The following NCLN variants were observed in gnomAD, a reference collection of about 807,000 sequenced individuals.
The protein encoded by NCLN is BOS complex subunit NCLN.
In NCLN, 34 loss-of-function variants were observed where a neutral mutation model predicts 69.5. The observed-to-expected ratio is 0.49, with a 90% CI of 0.37 to 0.65. NCLN has a LOEUF of 0.65. NCLN is among the 30% of genes least tolerant of loss of function. The pLI, the probability that NCLN is intolerant of heterozygous loss-of-function variation, is 0.00. For synonymous variants in NCLN, 393 were observed against 358.3 expected (o/e 1.10, Z -1.09); for missense variants, 710 against 804.8 (o/e 0.88, Z 1.42).
In NCLN at chr19:3,207,517, G is replaced by T. The variant is rs777378959; in HGVS notation, c.1632+48G>T. On this transcript the variant is annotated intron_variant, in intron 14 of 14. Coordinates refer to ENST00000246117, the MANE Select transcript of NCLN (RefSeq NM_020170.4). ...TGGGGCAGGGGCCGCCCGCCGGGAG[G>T]AGCTGGGCTGGGCGTCTCCAAGTGC... 8.1e-6 allele frequency: 13 copies of T among 1,609,216 alleles called. No individual in the cohort carries two copies. In the East Asian group the frequency reaches 1.8e-4, roughly 22 times the overall value.
At chr19:3,191,833 C>T (rs1915834607) in intron 1 of NCLN, among the ~76,000 whole-genome samples, 1 of 152,156 alleles carries the variant, frequency 6.6e-6, no homozygotes, top group Admixed American at 6.5e-5. Flanking sequence ...GTCTAGGATC[C>T]TGTGTAGACT....
chr19:3,198,965 G>A, intron 5 of NCLN, 68 bp downstream of exon 5: 2 of 1,186,200 alleles, frequency 1.7e-6, no homozygotes, highest in Non-Finnish European at 2.2e-6. Flanking sequence ...CCAGTGCCGA[G>A]GCAAAGCGCC....
rs1310387681 is a variant in NCLN, at chr19:3,204,642, G to GTGCT, written c.1100_1103dup (p.Trp370GlyfsTer25). 6.2e-7 allele frequency: 1 copy of GTGCT among 1,608,850 alleles called. No individual in the cohort carries two copies. Among genetic ancestry groups the GTGCT allele is most frequent in the Non-Finnish European group, 8.5e-7 (1 of 1,177,922 alleles). On this transcript the variant is annotated frameshift_variant, in exon 9 of 15. Transcript: ENST00000246117. LOFTEE classifies it high-confidence loss of function. ...CAAGCGGATCAACCTGGCGGAGGAC[G>GTGCT]TGCTGGCCTGGGAGCACGAGCGCTT...
chr19:3,207,404 G>C lies in NCLN; in HGVS notation c.1567G>C (p.Val523Leu). 1 of 1,613,132 alleles carries C rather than the reference G, an allele frequency of 6.2e-7. No individual in the cohort carries two copies. The highest frequency in any genetic ancestry group is 1.1e-5 in the South Asian group (1 of 91,090). ...VMNAYRVKPA[V>L]FDLLLAVGIA... ...CTTTCTCCACAGAGTCAAGCCGGCC[G>C]TCTTTGACCTGCTCCTGGCTGTTGG... Residue 523 changes from valine to leucine, a missense_variant, in exon 14 of 15, where the codon GTC becomes CTC. Val to Leu is a conservative substitution (Grantham distance 32). Coordinates refer to ENST00000246117, the MANE Select transcript of NCLN (RefSeq NM_020170.4).
chr19:3,196,656 A>G (rs1053768355), intron 4 of NCLN, among the ~76,000 whole-genome samples: 2 of 152,198 alleles, frequency 1.3e-5, no homozygotes, highest in Non-Finnish European at 2.9e-5. Flanking sequence ...CTCACCCGTC[A>G]GCCCAGACGC....
At chr19:3,188,934 C>G (rs1009387911) in intron 1 of NCLN, among the ~76,000 whole-genome samples, 2 of 152,224 alleles carry the variant, frequency 1.3e-5, no homozygotes, top group African/African-American at 4.8e-5. Flanking sequence ...AGGACAGGCC[C>G]TTGAGAAGCC....
rs948458171 is a variant in NCLN at position 3,204,479 on chromosome 19, C to T, written c.1030-94C>T. ...TGGATTTCTCCTCATTTTGCACCCT[C>T]GGGGGTTCTGGGAGGCCCCTGGAGC... On this transcript the variant is annotated intron_variant, in intron 8 of 14. Coordinates refer to ENST00000246117, the MANE Select transcript of NCLN (RefSeq NM_020170.4). 2.2e-5 allele frequency: 29 copies of T among 1,344,018 alleles called. No individual in the cohort carries two copies. The East Asian group carries it at 3.1e-4, about 14-fold the overall frequency. The allele number at this position is 1,344,018 out of a possible 1,614,324, so 83.3% of individuals were successfully genotyped here.
At chr19:3,207,578 C>T (rs764462494) in intron 14 of NCLN, 51 bp from the exon 15 acceptor site, 1 of 1,609,954 alleles carries the variant, frequency 6.2e-7, no homozygotes, top group Non-Finnish European at 8.5e-7. Context: ...GTCACATGAC[C>T]TGGGGCTCTG....
Position 3,195,743 on chromosome 19 carries a change from T to A in NCLN, c.521-440T>A, listed in dbSNP as rs1324402697. On this transcript the variant is annotated intron_variant, in intron 3 of 14. Transcript: ENST00000246117. ...GAGGTAGAGGCTGCAGTGAGCCATG[T>A]TTGCGTCACTGTACTCCAGCCTGGG... Among the ~76,000 whole-genome samples the A allele has an allele frequency of 2.6e-5, 4 of 152,030 alleles. No homozygotes were observed. The East Asian group carries it at 7.7e-4, about 29-fold the overall frequency.
chr19:3,203,808 A>G lies in NCLN; in HGVS notation c.853A>G (p.Thr285Ala). Residue 285 changes from threonine to alanine, a missense_variant, in exon 7 of 15, where the codon ACC becomes GCC. Thr to Ala is a moderately conservative substitution (Grantham distance 58, BLOSUM62 0). Transcript: ENST00000246117. Reference sequence around the variant, plus strand: ...AGGAGGCAAGTTTAACTACCAGGGAACCAAGCGCTGGCTGGAAGACAACCT... The same window carrying G: ...AGGAGGCAAGTTTAACTACCAGGGAGCCAAGCGCTGGCTGGAAGACAACCT... ...SGGGKFNYQG[T>A]KRWLEDNLDH... 1 of 1,613,292 alleles carries G rather than the reference A, an allele frequency of 6.2e-7. No homozygotes were observed. Among genetic ancestry groups the G allele is most frequent in the Non-Finnish European group, 8.5e-7 (1 of 1,179,876 alleles).
chr19:3,206,694 G>T (rs1916281514), intron 12 of NCLN, among the ~76,000 whole-genome samples: 1 of 152,214 alleles, frequency 6.6e-6, no homozygotes, highest in Non-Finnish European at 1.5e-5. Context: ...AAATTAGGCG[G>T]ATGTGGCAGT....
chr19:3,197,397 G>C (rs1915992521), intron 4 of NCLN, among the ~76,000 whole-genome samples: 7 of 152,222 alleles, frequency 4.6e-5, no homozygotes, highest in Admixed American at 3.9e-4. Flanking sequence ...GAGTCCCCAG[G>C]CCACAGCCGG....
At position 3,201,379 on chromosome 19, in the gene NCLN, C is replaced by T. The variant is rs528549245; in HGVS notation, c.697-144C>T. The T allele has an allele frequency of 9.0e-5, 56 of 623,996 alleles. No homozygotes were observed. In the East Asian group the frequency reaches 1.1e-3, roughly 12 times the overall value. The allele number at this position is 623,996 out of a possible 1,614,324, so 38.7% of individuals were successfully genotyped here. A position where few individuals can be genotyped will look rare whatever the true frequency, so the allele number is the denominator to read the frequency against. On this transcript the variant is annotated intron_variant, in intron 5 of 14. Transcript: ENST00000246117. ...GGCTGGGGGACAGCACAGAGATGAC[C>T]GTGGCTGCTGTGGGCAGAGGTCATG...
intron 1 of NCLN, among the ~76,000 whole-genome samples, chr19:3,187,082 C>G (rs1432945752): frequency 6.6e-6 from 1 of 152,174 alleles, no homozygotes; most frequent in Non-Finnish European, 1.5e-5. Context: ...ACGCCCTCAG[C>G]TCAGCCTCCT....
intron 1 of NCLN, among the ~76,000 whole-genome samples, chr19:3,187,483 G>C (rs1259671828): frequency 6.6e-6 from 1 of 152,198 alleles, no homozygotes; most frequent in Non-Finnish European, 1.5e-5. Context: ...GGGACCCCCA[G>C]CTTCTGCCAG....
rs1181624121 is a variant in NCLN, at chr19:3,198,488, C to G, written c.616-329C>G. On this transcript the variant is annotated intron_variant, in intron 4 of 14. Transcript: ENST00000246117. Reference sequence around the variant, plus strand: ...TACCACTGCACTCCAGCCTGGGCGACAGAGTGAGATTCCGTCTCAAAAAAA... The same window carrying G: ...TACCACTGCACTCCAGCCTGGGCGAGAGAGTGAGATTCCGTCTCAAAAAAA... 2.2e-5 allele frequency among the ~76,000 whole-genome samples: 3 copies of G among 133,748 alleles called. No individual in the cohort carries two copies. In the Admixed American group the frequency reaches 2.5e-4, roughly 11 times the overall value. 87.7% of individuals were successfully genotyped at this position (133,748 alleles called of 152,430 possible).
At chr19:3,201,652 T>TGGGGGTTG in intron 6 of NCLN, 26 bp downstream of exon 6, 4 of 772,842 alleles carry the variant, frequency 5.2e-6, no homozygotes, top group Non-Finnish European at 8.0e-6. Flanking sequence ...GGCAGGGGGA[T>TGGGGGTTG]GGGGGTGCGG....
chr19:3,200,676 A>G (rs1306965273), intron 5 of NCLN, among the ~76,000 whole-genome samples: 1 of 152,100 alleles, frequency 6.6e-6, no homozygotes, highest in Non-Finnish European at 1.5e-5. Context: ...AGTGGGTTTT[A>G]GTACATCCAA....
In NCLN at chr19:3,204,659, C is replaced by T. The variant is rs370706879; in HGVS notation, c.1116C>T (p.His372=). The T allele has an allele frequency of 3.5e-5, 57 of 1,609,464 alleles. No individual in the cohort carries two copies. The highest frequency in any genetic ancestry group is 1.6e-4 in the Middle Eastern group (1 of 6,066). The stretch of plus-strand genomic sequence containing the variant: ...CGGAGGACGTGCTGGCCTGGGAGCA[C>T]GAGCGCTTCGCCATCCGCCGACTGC... ...NLAEDVLAWE[H]ERFAIRRLPA... The change falls in exon 9 of 15, where the codon CAC becomes CAT. Residue 372 remains histidine (H), a synonymous_variant. Coordinates refer to ENST00000246117, the MANE Select transcript of NCLN (RefSeq NM_020170.4).
Sources: allele counts gnomAD v4.1 joint callset (sites outside exome capture counted in the v4.1 genomes callset), GRCh38; gene constraint gnomAD v4.1.1; transcripts MANE v1.5; gene names NCBI Gene and HGNC (gene_info 2026-07-23, HGNC 2026-07-21).